CCDC39: variants seen among roughly 807,000 people sequenced by gnomAD.
The protein encoded by CCDC39 is coiled-coil domain-containing protein 39.
CCDC39 carries 113 observed loss-of-function variants against 121.0 expected under a neutral mutation model. The ratio of observed to expected loss-of-function variants is 0.93; its 90% CI spans 0.80 to 1.09. The LOEUF is 1.09. CCDC39 is among the 50% of genes least tolerant of loss of function. The pLI, the probability that CCDC39 is intolerant of heterozygous loss-of-function variation, is 0.00. For synonymous variants in CCDC39, 349 were observed against 352.2 expected (o/e 0.99, Z 0.10); for missense variants, 1,063 against 1,074.7 (o/e 0.99, Z 0.15).
At chr3:180,628,608 G>A (rs1409003450) in intron 14 of CCDC39, among the ~76,000 whole-genome samples, 4 of 152,076 alleles carry the variant, frequency 2.6e-5, no homozygotes, top group Non-Finnish European at 5.9e-5. Flanking sequence ...GTCTGTAAAG[G>A]GCCAAATAGT....
chr3:180,634,558 C>T (rs1717781438), intron 13 of CCDC39, among the ~76,000 whole-genome samples: 1 of 152,140 alleles, frequency 6.6e-6, no homozygotes, highest in South Asian at 2.1e-4. Context: ...ATTCAGCTGC[C>T]TCCAAGTTGG....
At position 180,614,987 on chromosome 3, in the gene CCDC39, G is replaced by T; in HGVS notation, c.2760C>A (p.Ser920Arg). 3 of 1,564,568 alleles carry T rather than the reference G, an allele frequency of 1.9e-6. No individual in the cohort carries two copies. Among genetic ancestry groups the T allele is most frequent in the Non-Finnish European group, 2.6e-6 (3 of 1,152,452 alleles). ...KFPASSSLVG[S>R]PSRPSSASSS... ...TACTAGCACTAGATGGCCTAGAAGG[G>T]CTGCCTACTAGTGAAGAGGAGGCCG... Residue 920 changes from serine (S) to arginine (R), a missense_variant, in exon 20 of 20, where the codon AGC becomes AGA. Coordinates refer to ENST00000476379, the MANE Select transcript of CCDC39 (RefSeq NM_181426.2).
rs34645691 is a variant in CCDC39, at chr3:180,619,652, GA to G, written c.2158+158del. Among the ~76,000 whole-genome samples the G allele has an allele frequency of 0.94, 141,120 of 150,642 alleles. 66,226 individuals are homozygous for G. Among genetic ancestry groups the G allele is most frequent in the African/African-American group, 0.98 (40,286 of 40,962 alleles). ...AAGTAACACCCTAGAAAACCACTTAGAAAAAAAAATGTCGTGGGGGGAGGAA... is the reference window on the plus strand; with the variant it reads ...AAGTAACACCCTAGAAAACCACTTAGAAAAAAAATGTCGTGGGGGGAGGAA... On this transcript the variant is annotated intron_variant, in intron 15 of 19. Transcript: ENST00000476379.
rs886058199 is a variant in CCDC39 at position 180,659,536 on chromosome 3, A to G, written c.654T>C (p.Asn218=). The G allele has an allele frequency of 2.5e-6, 4 of 1,613,312 alleles. No homozygotes were observed. Among genetic ancestry groups the G allele is most frequent in the Non-Finnish European group, 3.4e-6 (4 of 1,179,622 alleles). The change falls in exon 6 of 20, where the codon AAT becomes AAC. Residue 218 remains asparagine (N), a synonymous_variant. Coordinates refer to ENST00000476379, the MANE Select transcript of CCDC39 (RefSeq NM_181426.2). ...ATTGTTTAATGAGTTCTTGTCTTTC[A>G]TTATGAATCTTACGAAAATCTTGTG... The part of the protein sequence containing the change: ...KAAQDFRKIH[N]ERQELIKQWE...
At chr3:180,625,783 G>C (rs1717544849) in intron 14 of CCDC39, among the ~76,000 whole-genome samples, 1 of 151,740 alleles carries the variant, frequency 6.6e-6, no homozygotes, top group South Asian at 2.1e-4. Context: ...AGTGACTTAA[G>C]GTATGGTTAT....
At chr3:180,632,872 C>T (rs949246720) in intron 13 of CCDC39, among the ~76,000 whole-genome samples, 1 of 152,208 alleles carries the variant, frequency 6.6e-6, no homozygotes, top group Non-Finnish European at 1.5e-5. Context: ...GGCCATTCCC[C>T]TCAACCCCTC....
chr3:180,633,851 G>A (rs923256905), intron 13 of CCDC39, among the ~76,000 whole-genome samples: 3 of 152,126 alleles, frequency 2.0e-5, no homozygotes, highest in African/African-American at 7.2e-5. Context: ...CCAGGCAGGG[G>A]CCCCAGCCCG....
At chr3:180,677,160 T>C (rs1712241909) in intron 1 of CCDC39, among the ~76,000 whole-genome samples, 1 of 80,162 alleles carries the variant, frequency 1.2e-5, no homozygotes, top group Admixed American at 1.6e-4. Context: ...ATAATAATAA[T>C]AATAATTTTA....
intron 6 of CCDC39, among the ~76,000 whole-genome samples, chr3:180,655,330 G>T (rs1160355088): frequency 6.6e-6 from 1 of 151,542 alleles, no homozygotes; most frequent in Admixed American, 6.6e-5. Context: ...TTTTTTTTTA[G>T]TGTTTTGAAA....
At chr3:180,677,397 C>A (rs569349893) in intron 1 of CCDC39, among the ~76,000 whole-genome samples, 1 of 150,442 alleles carries the variant, frequency 6.6e-6, no homozygotes, top group South Asian at 2.1e-4. Flanking sequence ...AAATTAAGGG[C>A]ATTGAATCAA....
chr3:180,637,689 C>G (rs1031669978), intron 13 of CCDC39, among the ~76,000 whole-genome samples: 12 of 152,130 alleles, frequency 7.9e-5, no homozygotes, highest in Admixed American at 7.9e-4. Flanking sequence ...AAACACCCAT[C>G]AATGACAGAT....
Position 180,651,263 on chromosome 3 carries a change from A to G in CCDC39, c.1167+138T>C, listed in dbSNP as rs554069819. On this transcript the variant is annotated intron_variant, in intron 9 of 19. Transcript: ENST00000476379. ...GAAGCAATGCATGAGAAGAGGTCCA[A>G]AACCAGATTATAAATGTGATCATAC... 184 of 665,814 alleles carry G rather than the reference A, an allele frequency of 2.8e-4. 1 individual carries two copies. The East Asian group carries it at 5.3e-3, about 19-fold the overall frequency. The allele number at this position is 665,814 out of a possible 1,614,324, so 41.2% of individuals were successfully genotyped here. A position where few individuals can be genotyped will look rare whatever the true frequency, so the allele number is the denominator to read the frequency against.
At chr3:180,648,050 T>A in intron 10 of CCDC39, 115 bp downstream of exon 10, 1 of 786,022 alleles carries the variant, frequency 1.3e-6, no homozygotes, top group East Asian at 2.7e-5. Flanking sequence ...CTTCAGCATC[T>A]GTCTGTCCTC....
intron 9 of CCDC39, among the ~76,000 whole-genome samples, chr3:180,650,094 C>G (rs1005670436): frequency 6.6e-6 from 1 of 152,094 alleles, no homozygotes; most frequent in African/African-American, 2.4e-5. Flanking sequence ...CCTTTTTCAA[C>G]CCCCCCAAAC....
chr3:180,677,350 C>A (rs1451497448), intron 1 of CCDC39, among the ~76,000 whole-genome samples: 1 of 149,804 alleles, frequency 6.7e-6, no homozygotes, highest in Non-Finnish European at 1.5e-5. Context: ...ACCATTAAAG[C>A]AAATCAAGTA....
At chr3:180,670,060 T>C (rs886585788) in intron 1 of CCDC39, among the ~76,000 whole-genome samples, 5 of 152,140 alleles carry the variant, frequency 3.3e-5, no homozygotes, top group African/African-American at 1.2e-4. Context: ...CGATCGTTCT[T>C]ATGGATTTTT....
chr3:180,642,533 C>T (rs562028665), intron 12 of CCDC39, among the ~76,000 whole-genome samples: 1 of 152,046 alleles, frequency 6.6e-6, no homozygotes, highest in East Asian at 1.9e-4. Context: ...CTCTGAATCT[C>T]ACAAAATAAT....
At chr3:180,662,073 T>C in intron 2 of CCDC39, 66 bp from the exon 3 acceptor site, 1 of 1,412,084 alleles carries the variant, frequency 7.1e-7, no homozygotes. Context: ...CAAATATTTA[T>C]AATAATCCAT....
At chr3:180,675,057 A>G (rs1177308974) in intron 1 of CCDC39, among the ~76,000 whole-genome samples, 3 of 152,220 alleles carry the variant, frequency 2.0e-5, no homozygotes, top group African/African-American at 7.2e-5. Context: ...AAGGAATGGT[A>G]CCAGCTCCTC....
Sources: gnomAD v4.1 joint callset for allele counts (sites outside exome capture counted in the v4.1 genomes callset) on GRCh38, gnomAD v4.1.1 for gene constraint, MANE v1.5 for transcripts, NCBI Gene and HGNC (gene_info 2026-07-23, HGNC 2026-07-21) for gene names.